The following SLC14A2 variants were observed in gnomAD, a reference collection of about 807,000 sequenced individuals.
SLC14A2 encodes the protein urea transporter 2.
In SLC14A2, 91 loss-of-function variants were observed where a neutral mutation model predicts 104.6. The ratio of observed to expected loss-of-function variants is 0.87; its 90% CI spans 0.73 to 1.04. SLC14A2 has a LOEUF of 1.04. Ranked by LOEUF, SLC14A2 falls within the 50% of genes least tolerant of loss-of-function variation. SLC14A2 has a pLI of 0.00. For missense variants in SLC14A2, 1,189 were observed against 1,156.0 expected (o/e 1.03, Z -0.41); for synonymous variants, 476 against 466.4 (o/e 1.02, Z -0.27).
chr18:45,636,282 T>C (rs1272087272), intron 5 of SLC14A2, among the ~76,000 whole-genome samples: 2 of 152,216 alleles, frequency 1.3e-5, no homozygotes, highest in East Asian at 3.8e-4. Context: ...GGGTATTTGG[T>C]GTCTAGGGTG....
At chr18:45,375,424 A>G (rs1209748394) in intron 1 of SLC14A2, among the ~76,000 whole-genome samples, 1 of 151,988 alleles carries the variant, frequency 6.6e-6, no homozygotes, top group Non-Finnish European at 1.5e-5. Context: ...GCCTCCACCC[A>G]GGAACTGACT....
chr18:45,282,858 C>CCTTGTATCTTTCTCATTAA (rs1268001094), intron 1 of SLC14A2, among the ~76,000 whole-genome samples: 2 of 78,114 alleles, frequency 2.6e-5, no homozygotes, highest in African/African-American at 1.0e-4. Context: ...TTCCTTCTTT[C>CCTTGTATCTTTCTCATTAA]CTTGTATCTT....
At chr18:45,506,951 C>T (rs2043296299) in intron 2 of SLC14A2, among the ~76,000 whole-genome samples, 2 of 152,198 alleles carry the variant, frequency 1.3e-5, no homozygotes, top group African/African-American at 4.8e-5. Flanking sequence ...TTACCCCCTC[C>T]TCAAGGGGAT....
chr18:45,253,666 C>T (rs574635514), intron 1 of SLC14A2, among the ~76,000 whole-genome samples: 47 of 152,244 alleles, frequency 3.1e-4, no homozygotes, highest in African/African-American at 1.1e-3. Context: ...GAATATACTT[C>T]CCTCTCCTTC....
intron 1 of SLC14A2, among the ~76,000 whole-genome samples, chr18:45,257,214 T>A (rs2084488407): frequency 6.6e-6 from 1 of 152,226 alleles, no homozygotes. Flanking sequence ...ATTAAACTGA[T>A]CACTGCATTT....
the SLC14A2 span, among the ~76,000 whole-genome samples, chr18:45,170,078 C>A: frequency 6.6e-6 from 1 of 152,162 alleles, no homozygotes; most frequent in Non-Finnish European, 1.5e-5. Flanking sequence ...AAAGCTGATT[C>A]TTGAAGAAAG....
intron 1 of SLC14A2, among the ~76,000 whole-genome samples, chr18:45,470,793 C>A (rs1056745216): frequency 6.6e-6 from 1 of 152,038 alleles, no homozygotes; most frequent in African/African-American, 2.4e-5. Context: ...GATGATATTT[C>A]TGCTAATCTC....
At position 45,573,123 on chromosome 18, in the gene SLC14A2, T is replaced by C. The variant is rs571092904; in HGVS notation, c.-34-51508T>C. Among the ~76,000 whole-genome samples the C allele has an allele frequency of 5.9e-5, 9 of 152,288 alleles. No homozygotes were observed. In the East Asian group the frequency reaches 1.7e-3, roughly 29 times the overall value. On this transcript the variant is annotated intron_variant, in intron 2 of 20. Coordinates refer to the SLC14A2 transcript ENST00000586448. ...AAAATTCAGGGTCTACACTGCCAGC[T>C]CAGTGTTCTTTCAACTAATAGATTG...
At chr18:45,629,916 C>T (rs1049928389) in intron 4 of SLC14A2, among the ~76,000 whole-genome samples, 8 of 152,154 alleles carry the variant, frequency 5.3e-5, no homozygotes. Context: ...TAGTTAAGTA[C>T]TTTTGCTTCT....
rs149433698 is a variant in SLC14A2 at position 45,428,558 on chromosome 18, C to T, written c.-124-54675C>T. Among the ~76,000 whole-genome samples, 1,499 of 152,278 alleles carry T rather than the reference C, an allele frequency of 9.8e-3. 15 individuals are homozygous for T. The highest frequency in any genetic ancestry group is 0.024 in the African/African-American group (999 of 41,544). On this transcript the variant is annotated intron_variant, in intron 1 of 20. Transcript: ENST00000586448. ...CTTGAGGACTGAAGAGGAGCCACCCCTATAGGCTGGAGGTCATGGGCACCC... is the reference window on the plus strand; with the variant it reads ...CTTGAGGACTGAAGAGGAGCCACCCTTATAGGCTGGAGGTCATGGGCACCC...
chr18:45,586,004 A>G (rs1374133228), intron 2 of SLC14A2, among the ~76,000 whole-genome samples: 1 of 152,230 alleles, frequency 6.6e-6, no homozygotes, highest in African/African-American at 2.4e-5. Flanking sequence ...GTTGGGGAAT[A>G]CGGAAGCAGA....
At chr18:45,255,691 G>A (rs983301366) in intron 1 of SLC14A2, among the ~76,000 whole-genome samples, 4 of 152,104 alleles carry the variant, frequency 2.6e-5, no homozygotes, top group African/African-American at 4.8e-5. Context: ...TAATTTCCAC[G>A]ACTGACATTC....
intron 1 of SLC14A2, among the ~76,000 whole-genome samples, chr18:45,407,995 GA>G (rs992997393): frequency 2.2e-4 from 33 of 152,188 alleles, no homozygotes; most frequent in Admixed American, 1.8e-3. Context: ...CATGCTGTTG[GA>G]AAAAAATGGT....
chr18:45,597,969 G>C (rs1417913460), intron 2 of SLC14A2, among the ~76,000 whole-genome samples: 1 of 152,166 alleles, frequency 6.6e-6, no homozygotes, highest in East Asian at 1.9e-4. Flanking sequence ...CTGAGACTGG[G>C]GAGCCTCATG....
At chr18:45,673,107 A>G (rs1484466818) in intron 17 of SLC14A2, 60 bp downstream of exon 17, 2 of 1,507,620 alleles carry the variant, frequency 1.3e-6, no homozygotes, top group Non-Finnish European at 1.8e-6. Context: ...AGCTCCAAAT[A>G]AAATGGTGAC....
At chr18:45,216,833 T>C (rs1220171033) in intron 1 of SLC14A2, among the ~76,000 whole-genome samples, 3 of 152,196 alleles carry the variant, frequency 2.0e-5, no homozygotes, top group Non-Finnish European at 2.9e-5. Context: ...CCTTTGATTC[T>C]CAGAGAATCA....
At chr18:45,583,105 G>A (rs1599030096) in intron 2 of SLC14A2, among the ~76,000 whole-genome samples, 1 of 152,220 alleles carries the variant, frequency 6.6e-6, no homozygotes, top group Admixed American at 6.5e-5. Context: ...GGAAGGAGTA[G>A]AGCAAATACA....
chr18:45,621,014 C>T (rs746982160), intron 1 of SLC14A2, among the ~76,000 whole-genome samples: 4 of 152,170 alleles, frequency 2.6e-5, no homozygotes, highest in Non-Finnish European at 5.9e-5. Flanking sequence ...AAGGCCTTTC[C>T]GGAACATATC....
At chr18:45,590,242 C>A (rs530130630) in intron 2 of SLC14A2, among the ~76,000 whole-genome samples, 2 of 151,718 alleles carry the variant, frequency 1.3e-5, no homozygotes, top group African/African-American at 4.8e-5. Context: ...AAAGCATGTC[C>A]CTTCCCTGGA....
Sources: allele counts gnomAD v4.1 joint callset (sites outside exome capture counted in the v4.1 genomes callset), GRCh38; gene constraint gnomAD v4.1.1; transcripts MANE v1.5; gene names NCBI Gene and HGNC (gene_info 2026-07-23, HGNC 2026-07-21).